The following APOM variants were observed in gnomAD, a reference collection of about 807,000 sequenced individuals.
APOM encodes the protein apolipoprotein M.
A neutral mutation model predicts 23.5 loss-of-function variants in APOM; 24 were observed. The ratio of observed to expected loss-of-function variants is 1.02; its 90% confidence interval spans 0.74 to 1.44. The LOEUF is 1.44. Among genes scored for constraint, APOM ranks in the 40% most tolerant of loss-of-function variants. APOM has a pLI of 0.00. For missense variants in APOM, 200 were observed against 233.2 expected (o/e 0.86, Z 0.93); for synonymous variants, 82 against 84.1 (o/e 0.97, Z 0.14).
rs1160126705 is a variant in APOM at position 31,658,166 on chromosome 6, C to G, written c.*77C>G. The stretch of plus-strand genomic sequence containing the variant: ...GGAGGGAGAAGCTGGAGACTTCCAG[C>G]TCCAGCTCCCACTCAAGATAATAAA... On this transcript the variant is annotated 3_prime_UTR_variant, in exon 6 of 6. Transcript: ENST00000375916. 1.4e-6 allele frequency: 2 copies of G among 1,476,820 alleles called. No individual in the cohort carries two copies. The highest frequency in any genetic ancestry group is 1.7e-4 in the Middle Eastern group (1 of 5,802). 91.5% of individuals were successfully genotyped at this position (1,476,820 alleles called of 1,614,324 possible). A position where few individuals can be genotyped will look rare whatever the true frequency, so the allele number is the denominator to read the frequency against.
chr6:31,656,584 G>A lies in APOM; in HGVS notation c.227G>A (p.Gly76Asp), dbSNP rs771639489. 2 of 1,614,078 alleles carry A rather than the reference G, an allele frequency of 1.2e-6. No homozygotes were observed. The highest frequency in any genetic ancestry group is 4.5e-5 in the East Asian group (2 of 44,882). Residue 76 changes from glycine (G) to aspartate (D), a missense_variant, in exon 2 of 6, where the codon GGC becomes GAC. Coordinates refer to ENST00000375916, the MANE Select transcript of APOM (RefSeq NM_019101.3). ...AACATTGTCTTCAATATGGCTGCTG[G>A]CTCTGCCCCGATGCAGCTCCACCTT... ...VDNIVFNMAA[G>D]SAPMQLHLRA...
Position 31,658,079 on chromosome 6 carries a change from C to T in APOM, c.557C>T (p.Ser186Phe), listed in dbSNP as rs1243059768. Residue 186 changes from serine to phenylalanine, a missense_variant, in exon 6 of 6, where the codon TCC (serine) becomes TTC (phenylalanine). Transcript: ENST00000375916. ...TPRNQEACEL[S>F]NN The stretch of plus-strand genomic sequence containing the variant: ...CCCATCACAGAGGCCTGTGAGCTGT[C>T]CAATAACTGACCTGTAACTTCATCT... 2 of 1,613,968 alleles carry T rather than the reference C, an allele frequency of 1.2e-6. No individual in the cohort carries two copies. Among genetic ancestry groups the T allele is most frequent in the Non-Finnish European group, 1.7e-6 (2 of 1,180,008 alleles).
chr6:31,655,924 A>G lies in APOM; in HGVS notation c.-43A>G. ...GGACTGAGCAGCCAGTAGGGGAGAG[A>G]GCAGTTAAGGCACACAGAGCACCAG... On this transcript the variant is annotated 5_prime_UTR_variant, in exon 1 of 6. Transcript: ENST00000375916. 7.4e-7 allele frequency: 1 copy of G among 1,358,676 alleles called. No individual in the cohort carries two copies. The allele number at this position is 1,358,676 out of a possible 1,614,324, so 84.2% of individuals were successfully genotyped here.
intron 5 of APOM, 109 bp from the exon 6 acceptor site, chr6:31,657,955 T>C: frequency 8.1e-7 from 1 of 1,230,576 alleles, no homozygotes; most frequent in Non-Finnish European, 1.2e-6. Flanking sequence ...GAGACTCCCC[T>C]TTGACACAGG....
upstream of APOM, chr6:31,655,768 T>C (rs564020319): frequency 7.1e-4 from 400 of 562,254 alleles, 1 homozygote; most frequent in Admixed American, 1.9e-3. Flanking sequence ...TATGGAGTGG[T>C]TGCATCCGGA....
At chr6:31,654,640 AATAAG>A (rs1257926168), upstream of APOM, among the ~76,000 whole-genome samples, 1 of 152,238 alleles carries the variant, frequency 6.6e-6, no homozygotes, top group Non-Finnish European at 1.5e-5. Flanking sequence ...CTTAAAAATA[AATAAG>A]TAAATAAATA....
upstream of APOM, among the ~76,000 whole-genome samples, chr6:31,654,438 A>G (rs1799777374): frequency 6.6e-6 from 1 of 152,028 alleles, no homozygotes; most frequent in African/African-American, 2.4e-5. Flanking sequence ...CTGTAATCCC[A>G]ACACTTTAGG....
intron 1 of APOM, 68 bp from the exon 2 acceptor site, chr6:31,656,404 T>C: frequency 6.6e-7 from 1 of 1,524,200 alleles, no homozygotes; most frequent in East Asian, 2.3e-5. Flanking sequence ...CTGTTTTGAC[T>C]GATGAAGAGG....
chr6:31,657,513 G>A (rs1226502909), intron 4 of APOM, 35 bp downstream of exon 4: 3 of 1,610,088 alleles, frequency 1.9e-6, no homozygotes, highest in African/African-American at 2.7e-5. Flanking sequence ...GGGTTGGAGG[G>A]AAACAAGGGA....
chr6:31,654,661 T>C (rs1799843227), upstream of APOM, among the ~76,000 whole-genome samples: 1 of 152,140 alleles, frequency 6.6e-6, no homozygotes, highest in Non-Finnish European at 1.5e-5. Context: ...AAATAATCTA[T>C]CGAGGAAGAT....
upstream of APOM, chr6:31,655,699 C>T (rs1289714832): frequency 2.4e-6 from 1 of 415,826 alleles, no homozygotes; most frequent in Non-Finnish European, 4.4e-6. Flanking sequence ...CAGGCTTCTC[C>T]CTGGACAGCT....
Position 31,656,470 on chromosome 6 carries a change from A to G in APOM, c.115-2A>G. ...CTTTTGCTCCCTTCATTGTCTCTCC[A>G]GTTCCCAGAGGTCCACTTGGGCCAG... On this transcript the variant is annotated splice_acceptor_variant, in intron 1 of 5. Transcript: ENST00000375916. LOFTEE classifies it high-confidence loss of function. 1 of 1,613,706 alleles carries G rather than the reference A, an allele frequency of 6.2e-7. No homozygotes were observed. Among genetic ancestry groups the G allele is most frequent in the Non-Finnish European group, 8.5e-7 (1 of 1,179,808 alleles).
chr6:31,653,136 G>A (rs1295100164), upstream of APOM, among the ~76,000 whole-genome samples: 1 of 152,146 alleles, frequency 6.6e-6, no homozygotes, highest in African/African-American at 2.4e-5. Context: ...AAGGGGACAT[G>A]ACACGTTTTA....
chr6:31,657,097 G>A (rs1800164527), intron 2 of APOM, 128 bp from the exon 3 acceptor site: 1 of 840,304 alleles, frequency 1.2e-6, no homozygotes, highest in African/African-American at 1.7e-5. Flanking sequence ...AGTGAGCCGA[G>A]ATGGCGCCAC....
chr6:31,657,925 G>A (rs1800316300), intron 5 of APOM, 139 bp from the exon 6 acceptor site: 19 of 1,030,366 alleles, frequency 1.8e-5, no homozygotes, highest in South Asian at 4.1e-5. Flanking sequence ...AGGGTCATAC[G>A]TGGAGGGAAA....
upstream of APOM, among the ~76,000 whole-genome samples, chr6:31,654,046 A>C (rs1260393284): frequency 6.6e-6 from 1 of 152,018 alleles, no homozygotes; most frequent in Non-Finnish European, 1.5e-5. Flanking sequence ...GGAGTTCAAG[A>C]CCAGCCTGGC....
rs766981599 is a variant in APOM, at chr6:31,655,996, C to G, written c.30C>G (p.Leu10=). The G allele has an allele frequency of 1.4e-5, 22 of 1,601,216 alleles. No homozygotes were observed. Among genetic ancestry groups the G allele is most frequent in the Non-Finnish European group, 1.8e-5 (21 of 1,174,040 alleles). MFHQIWAAL[L]YFYGIILNSI... ...TCCACCAAATTTGGGCAGCTCTGCT[C>G]TACTTCTATGGTATTATCCTTAACT... The change falls in exon 1 of 6, where the codon CTC becomes CTG. Residue 10 remains leucine (L), a synonymous_variant. Coordinates refer to ENST00000375916, the MANE Select transcript of APOM (RefSeq NM_019101.3).
Position 31,657,632 on chromosome 6 carries a change from A to AC in APOM, c.452dup (p.His152ThrfsTer27). On this transcript the variant is annotated frameshift_variant, in exon 5 of 6. Coordinates refer to ENST00000375916, the MANE Select transcript of APOM (RefSeq NM_019101.3). LOFTEE classifies it high-confidence loss of function. ...CCCACCTTGCCCTTCCAGATCGCTCACCACATCCTCCCGAAAAGTGTGTGG... is the reference window on the plus strand; with the variant it reads ...CCCACCTTGCCCTTCCAGATCGCTCACCCACATCCTCCCGAAAAGTGTGTGG... 6.2e-7 allele frequency: 1 copy of AC among 1,612,890 alleles called. No individual in the cohort carries two copies. The highest frequency in any genetic ancestry group is 8.5e-7 in the Non-Finnish European group (1 of 1,179,928).
At chr6:31,656,183 G>C (rs1002863890) in intron 1 of APOM, 103 bp downstream of exon 1, 7 of 950,456 alleles carry the variant, frequency 7.4e-6, no homozygotes, top group South Asian at 3.0e-5. Context: ...AGAGAGGAAG[G>C]GGGTGTGAGT....
Sources: gnomAD v4.1 joint callset for allele counts (sites outside exome capture counted in the v4.1 genomes callset) on GRCh38, gnomAD v4.1.1 for gene constraint, MANE v1.5 for transcripts, NCBI Gene and HGNC (gene_info 2026-07-23, HGNC 2026-07-21) for gene names.